The following AFG2A variants were observed in gnomAD, a reference collection of about 807,000 sequenced individuals.
AFG2A encodes AAA ATPase AFG2A.
chr4:122,932,580 A>G, the AFG2A span, among the ~76,000 whole-genome samples: 1 of 152,022 alleles, frequency 6.6e-6, no homozygotes, highest in Admixed American at 6.6e-5. Context: ...TCCCCTCCTG[A>G]TATGGGCTGC....
the AFG2A span, among the ~76,000 whole-genome samples, chr4:123,174,819 TA>T: frequency 1.1e-4 from 16 of 143,332 alleles, no homozygotes; most frequent in East Asian, 1.2e-3. Flanking sequence ...TGATCTTTTT[TA>T]AAAAAAATAT....
the AFG2A span, among the ~76,000 whole-genome samples, chr4:123,008,329 A>C: frequency 6.6e-6 from 1 of 152,206 alleles, no homozygotes; most frequent in African/African-American, 2.4e-5. Context: ...GCACCAAGCC[A>C]TTCATGAGGG....
the AFG2A span, among the ~76,000 whole-genome samples, chr4:123,265,248 A>C: frequency 5.3e-5 from 8 of 152,056 alleles, no homozygotes; most frequent in Admixed American, 2.6e-4. Flanking sequence ...CAAGTTCACT[A>C]TCTATGATTT....
chr4:123,141,406 G>A, the AFG2A span, among the ~76,000 whole-genome samples: 2 of 152,148 alleles, frequency 1.3e-5, no homozygotes, highest in African/African-American at 4.8e-5. Flanking sequence ...AGGTTGCAGT[G>A]AGCCAAAATT....
the AFG2A span, among the ~76,000 whole-genome samples, chr4:123,130,769 T>G: frequency 6.6e-6 from 1 of 152,196 alleles, no homozygotes; most frequent in Non-Finnish European, 1.5e-5. Context: ...TCTAATATGA[T>G]TCTAGGAGTG....
the AFG2A span, among the ~76,000 whole-genome samples, chr4:123,247,587 T>C: frequency 1.8e-3 from 279 of 151,636 alleles, 7 homozygotes; most frequent in East Asian, 0.052. Flanking sequence ...TTTTTATGTT[T>C]GTTTGTTTGT....
chr4:123,105,106 ACT>A, the AFG2A span, among the ~76,000 whole-genome samples: 4 of 152,002 alleles, frequency 2.6e-5, no homozygotes, highest in Non-Finnish European at 5.9e-5. Context: ...GGATAGGGTG[ACT>A]CTGTTGTTAG....
chr4:123,087,235 T>G, the AFG2A span, among the ~76,000 whole-genome samples: 1 of 152,142 alleles, frequency 6.6e-6, no homozygotes. Context: ...TGTTCCATGG[T>G]CCTGTGATTA....
the AFG2A span, among the ~76,000 whole-genome samples, chr4:123,183,539 G>C: frequency 6.6e-6 from 1 of 152,154 alleles, no homozygotes; most frequent in Non-Finnish European, 1.5e-5. Flanking sequence ...GAAATATGCA[G>C]GTATAGAGTA....
At chr4:123,311,527 T>A in the AFG2A span, among the ~76,000 whole-genome samples, 95 of 150,248 alleles carry the variant, frequency 6.3e-4, no homozygotes, top group African/African-American at 2.1e-3. Context: ...CTCAGGAGGC[T>A]TAGGCAGAAG....
chr4:123,137,221 G>T, the AFG2A span, among the ~76,000 whole-genome samples: 1 of 152,100 alleles, frequency 6.6e-6, no homozygotes, highest in Non-Finnish European at 1.5e-5. Flanking sequence ...TCCACAACCC[G>T]GGGGTTGATG....
At chr4:123,279,416 C>CA in the AFG2A span, among the ~76,000 whole-genome samples, 946 of 147,052 alleles carry the variant, frequency 6.4e-3, 15 homozygotes, top group African/African-American at 0.022. Flanking sequence ...TCTCAAAAAA[C>CA]AAAAAAAAAA....
At chr4:122,934,291 C>A in the AFG2A span, 38 of 1,614,076 alleles carry the variant, frequency 2.4e-5, no homozygotes, top group Non-Finnish European at 3.1e-5. Flanking sequence ...GTTATCCTTA[C>A]AGCTAAGCCA....
chr4:122,977,854 T>A, the AFG2A span, among the ~76,000 whole-genome samples: 5 of 152,270 alleles, frequency 3.3e-5, no homozygotes, highest in South Asian at 1.0e-3. Context: ...AGCGTCCAGC[T>A]CTCAGCAGAG....
the AFG2A span, among the ~76,000 whole-genome samples, chr4:123,281,494 C>T: frequency 6.6e-6 from 1 of 152,252 alleles, no homozygotes; most frequent in African/African-American, 2.4e-5. Flanking sequence ...GGAGTTTAGG[C>T]ATAGACAAAT....
At chr4:122,972,232 T>C in the AFG2A span, among the ~76,000 whole-genome samples, 1 of 152,112 alleles carries the variant, frequency 6.6e-6, no homozygotes, top group Non-Finnish European at 1.5e-5. Context: ...ATATTAGTTT[T>C]GGTAAATTTT....
At chr4:122,986,586 A>T in the AFG2A span, among the ~76,000 whole-genome samples, 2 of 152,016 alleles carry the variant, frequency 1.3e-5, no homozygotes, top group Non-Finnish European at 2.9e-5. Context: ...GACTTCAGGG[A>T]CTTGGCGGGA....
At chr4:123,186,727 G>A in the AFG2A span, among the ~76,000 whole-genome samples, 1 of 152,154 alleles carries the variant, frequency 6.6e-6, no homozygotes, top group Non-Finnish European at 1.5e-5. Flanking sequence ...ACAGTTTTGT[G>A]ATAAAAGAAC....
At chr4:123,094,278 G>C in the AFG2A span, among the ~76,000 whole-genome samples, 1 of 152,078 alleles carries the variant, frequency 6.6e-6, no homozygotes. Flanking sequence ...TTTTGAACCT[G>C]GCCTAAATTC....
Sources: gnomAD v4.1 joint callset for allele counts (sites outside exome capture counted in the v4.1 genomes callset) on GRCh38, gnomAD v4.1.1 for gene constraint, MANE v1.5 for transcripts, NCBI Gene and HGNC (gene_info 2026-07-23, HGNC 2026-07-21) for gene names.